Variants in FREM2 observed in about 807,000 individuals in gnomAD.
FREM2 encodes FRAS1-related extracellular matrix protein 2.
A neutral mutation model predicts 219.9 loss-of-function variants in FREM2; 119 were observed. The ratio of observed to expected loss-of-function variants is 0.54; its 90% CI spans 0.47 to 0.63. The LOEUF (loss-of-function observed/expected upper bound fraction) is 0.63, where lower values mean the gene tolerates loss of function less well. Among genes scored for constraint, FREM2 ranks in the 30% least tolerant of loss-of-function variants. The pLI, the probability that FREM2 is intolerant of heterozygous loss-of-function variation, is 0.00. For missense variants in FREM2, 4,030 were observed against 3,993.6 expected, an observed-to-expected ratio of 1.01 and a Z score of -0.25; for synonymous variants, 1,562 against 1,522.8, an observed-to-expected ratio of 1.03 and a Z score of -0.60.
At chr13:38,851,927 C>G in intron 11 of FREM2, 59 bp downstream of exon 11, 1 of 1,446,826 alleles carries the variant, frequency 6.9e-7, no homozygotes. Flanking sequence ...GTTTCAGTGC[C>G]AGTGCCCTTA....
intron 14 of FREM2, among the ~76,000 whole-genome samples, chr13:38,861,005 AATG>A (rs1213182129): frequency 1.3e-5 from 2 of 152,252 alleles, no homozygotes; most frequent in Non-Finnish European, 2.9e-5. Flanking sequence ...AAACATAACT[AATG>A]ATAAGTATAT....
At chr13:38,747,379 A>T (rs1872525621) in intron 2 of FREM2, among the ~76,000 whole-genome samples, 1 of 143,266 alleles carries the variant, frequency 7.0e-6, no homozygotes, top group East Asian at 2.1e-4. Flanking sequence ...TCTTGAGGGC[A>T]TAAAGCTGAT....
intron 2 of FREM2, among the ~76,000 whole-genome samples, chr13:38,710,543 G>T (rs931069989): frequency 6.6e-6 from 1 of 152,088 alleles, no homozygotes; most frequent in East Asian, 1.9e-4. Context: ...AGCCCTAAAT[G>T]TACCACTCTG....
At chr13:38,779,424 G>T (rs553125535) in intron 4 of FREM2, 1 of 141,436 alleles carries the variant, frequency 7.1e-6, no homozygotes, top group African/African-American at 2.5e-5. Flanking sequence ...AAAAAAAAAA[G>T]TACTCACTTG....
chr13:38,717,505 C>A (rs1166884372), intron 2 of FREM2, among the ~76,000 whole-genome samples: 1 of 144,694 alleles, frequency 6.9e-6, no homozygotes, highest in African/African-American at 2.6e-5. Context: ...CAACTTCTAC[C>A]TCTGGGGTTC....
At chr13:38,840,140 T>C (rs1310896499) in intron 6 of FREM2, among the ~76,000 whole-genome samples, 1 of 152,020 alleles carries the variant, frequency 6.6e-6, no homozygotes, top group Non-Finnish European at 1.5e-5. Context: ...GGGAAAAGTG[T>C]AGTATTTGGG....
intron 6 of FREM2, among the ~76,000 whole-genome samples, chr13:38,817,977 A>C (rs888214518): frequency 6.6e-6 from 1 of 152,138 alleles, no homozygotes; most frequent in Non-Finnish European, 1.5e-5. Context: ...AACACAAACC[A>C]AAACCAAAAT....
intron 21 of FREM2, among the ~76,000 whole-genome samples, chr13:38,877,509 T>C (rs1396757089): frequency 6.6e-6 from 1 of 151,954 alleles, no homozygotes; most frequent in Non-Finnish European, 1.5e-5. Flanking sequence ...TTCTCGAATG[T>C]TTTTTTTCAA....
intron 8 of FREM2, among the ~76,000 whole-genome samples, chr13:38,849,171 CA>C (rs1391179921): frequency 1.3e-5 from 2 of 152,182 alleles, no homozygotes; most frequent in African/African-American, 4.8e-5. Flanking sequence ...CCAGCTCATA[CA>C]AATACCCTAG....
chr13:38,790,228 A>C (rs1314329448), intron 6 of FREM2, among the ~76,000 whole-genome samples: 1 of 152,156 alleles, frequency 6.6e-6, no homozygotes, highest in African/African-American at 2.4e-5. Flanking sequence ...TAACTCACAC[A>C]TCTCCTCTGG....
intron 2 of FREM2, among the ~76,000 whole-genome samples, chr13:38,707,074 G>C (rs1870570819): frequency 6.6e-6 from 1 of 152,162 alleles, no homozygotes; most frequent in Non-Finnish European, 1.5e-5. Flanking sequence ...GTTAGTGCAA[G>C]TTTACTAAGA....
intron 2 of FREM2, among the ~76,000 whole-genome samples, chr13:38,706,492 T>C (rs546153058): frequency 4.6e-4 from 70 of 152,286 alleles, no homozygotes; most frequent in African/African-American, 1.6e-3. Context: ...GTTTTAAATT[T>C]AGGCATTAAG....
At chr13:38,781,188 T>TG (rs1874101709) in intron 4 of FREM2, among the ~76,000 whole-genome samples, 1 of 151,688 alleles carries the variant, frequency 6.6e-6, no homozygotes, top group Non-Finnish European at 1.5e-5. Context: ...ACTGGCCTCC[T>TG]GGCTATTCCT....
rs1156629365 is a variant in FREM2, at chr13:38,689,641, A to G, written c.2297A>G (p.Asn766Ser). 2.5e-6 allele frequency: 4 copies of G among 1,613,868 alleles called. No homozygotes were observed. In the East Asian group the frequency reaches 8.9e-5, roughly 36 times the overall value. The change falls in exon 1 of 24, where the codon AAC becomes AGC. Residue 766 changes from asparagine to serine, a missense_variant. By Grantham distance (46) the Asn-to-Ser change is conservative. Transcript: ENST00000280481. ...APLGTLVLTD[N>S]PSVVVTHFTQ... The stretch of plus-strand genomic sequence containing the variant: ...CTGGGTACCTTGGTCTTGACTGACA[A>G]CCCCTCAGTCGTGGTGACCCATTTT...
In FREM2 at chr13:38,717,412, C is replaced by CTTTTTT. The variant is rs386378868; in HGVS notation, c.5263+19642_5263+19647dup. 8.3e-3 allele frequency among the ~76,000 whole-genome samples: 747 copies of CTTTTTT among 90,090 alleles called. 9 individuals are homozygous for CTTTTTT. The highest frequency in any genetic ancestry group is 0.023 in the Middle Eastern group (2 of 86). 59.1% of individuals were successfully genotyped at this position (90,090 alleles called of 152,430 possible). On this transcript the variant is annotated intron_variant, in intron 2 of 23. Coordinates refer to ENST00000280481, the MANE Select transcript of FREM2 (RefSeq NM_207361.6). ...GTCCGATTAGAATTTTACATAAGTA[C>CTTTTTT]TTTTTTTTTTTTTTTTTTTTTTGAG...
chr13:38,692,646 A>G lies in FREM2; in HGVS notation c.5173+129A>G. ...AGGAAACAAAGGGGATGGGGAGAAT[A>G]TAGGGACTCACTTTCCTAGGAGGAC... On this transcript the variant is annotated intron_variant, in intron 1 of 23. Transcript: ENST00000280481. 2.7e-6 allele frequency: 3 copies of G among 1,092,890 alleles called. No homozygotes were observed. In the South Asian group the frequency reaches 3.8e-5, roughly 14 times the overall value. The allele number at this position is 1,092,890 out of a possible 1,614,324, so 67.7% of individuals were successfully genotyped here. A position where few individuals can be genotyped will look rare whatever the true frequency, so the allele number is the denominator to read the frequency against.
In FREM2 at chr13:38,885,803, T is replaced by C. The variant is rs1019110225; in HGVS notation, c.*5016T>C. Reference sequence around the variant, plus strand: ...TCTCAATGGAGGTTCAACATTGACATTTAAGATGTAAAAAAAATTACTTTG... The same window carrying C: ...TCTCAATGGAGGTTCAACATTGACACTTAAGATGTAAAAAAAATTACTTTG... On this transcript the variant is annotated 3_prime_UTR_variant, in exon 24 of 24. Transcript: ENST00000280481. 6.6e-6 allele frequency: 1 copy of C among 152,164 alleles called. No individual in the cohort carries two copies. The highest frequency in any genetic ancestry group is 1.5e-5 in the Non-Finnish European group (1 of 67,994). The allele number at this position is 152,164 out of a possible 1,614,324, so 9.4% of individuals were successfully genotyped here.
At chr13:38,727,340 G>T (rs373271607) in intron 2 of FREM2, among the ~76,000 whole-genome samples, 7 of 152,044 alleles carry the variant, frequency 4.6e-5, no homozygotes, top group Non-Finnish European at 1.0e-4. Flanking sequence ...AAAATACAGC[G>T]TGGTGGCACA....
chr13:38,857,523 C>T lies in FREM2; in HGVS notation c.7057-352C>T, dbSNP rs1049589158. On this transcript the variant is annotated intron_variant, in intron 12 of 23. Transcript: ENST00000280481. ...TTTACTCCCACTGTCAAAGAATTGACTCCTTCATAAAATTTCCCTTCACAA... is the reference window on the plus strand; with the variant it reads ...TTTACTCCCACTGTCAAAGAATTGATTCCTTCATAAAATTTCCCTTCACAA... Among the ~76,000 whole-genome samples, 3 of 152,130 alleles carry T rather than the reference C, an allele frequency of 2.0e-5. No homozygotes were observed. The East Asian group carries it at 5.8e-4, about 29-fold the overall frequency.
Sources: allele counts gnomAD v4.1 joint callset (sites outside exome capture counted in the v4.1 genomes callset), GRCh38; gene constraint gnomAD v4.1.1; transcripts MANE v1.5; gene names NCBI Gene and HGNC (gene_info 2026-07-23, HGNC 2026-07-21).